PCDH11Y: variants seen among roughly 807,000 people sequenced by gnomAD.
PCDH11Y encodes protocadherin-11 Y-linked.
For synonymous variants in PCDH11Y, 9 were observed against 83.6 expected (o/e 0.11, Z 4.87); for missense variants, 12 against 224.8 (o/e 0.05, Z 6.05).
At chrY:5,247,633 A>G (rs2052997796) in intron 2 of PCDH11Y, among the ~76,000 whole-genome samples, 1 of 32,683 alleles carries the variant, frequency 3.1e-5, no homozygotes, top group Non-Finnish European at 7.4e-5. Context: ...AGTTAGAAAG[A>G]TCTCAAATCA....
intron 2 of PCDH11Y, among the ~76,000 whole-genome samples, chrY:5,229,164 A>G: frequency 3.2e-5 from 1 of 31,702 alleles, no homozygotes; most frequent in Non-Finnish European, 7.6e-5. Flanking sequence ...CATTATCATT[A>G]TATAGTGAAC....
intron 2 of PCDH11Y, among the ~76,000 whole-genome samples, chrY:5,198,335 A>G: frequency 6.7e-5 from 2 of 29,713 alleles, no homozygotes; most frequent in African/African-American, 2.7e-4. Context: ...TTTAGTAGAG[A>G]TGATGTTTCA....
At chrY:5,664,439 C>T (rs2053543206) in intron 4 of PCDH11Y, among the ~76,000 whole-genome samples, 1 of 32,000 alleles carries the variant, frequency 3.1e-5, no homozygotes, top group Non-Finnish European at 7.6e-5. Context: ...TACTTTTGTG[C>T]ATATTGTTCC....
At chrY:5,326,976 C>A in intron 2 of PCDH11Y, among the ~76,000 whole-genome samples, 1 of 33,045 alleles carries the variant, frequency 3.0e-5, no homozygotes, top group Non-Finnish European at 7.4e-5. Flanking sequence ...ATTCTGACTG[C>A]ACTAACCATG....
intron 2 of PCDH11Y, among the ~76,000 whole-genome samples, chrY:5,310,240 T>C: frequency 6.2e-5 from 2 of 32,173 alleles, no homozygotes; most frequent in African/African-American, 1.2e-4. Context: ...TGTTAAGTTA[T>C]GGTTAGAACA....
chrY:5,232,395 C>CAGACGATAAA (rs2052968908), intron 2 of PCDH11Y, among the ~76,000 whole-genome samples: 1 of 32,162 alleles, frequency 3.1e-5, no homozygotes, highest in Non-Finnish European at 7.6e-5. Context: ...CTTCAGTTAG[C>CAGACGATAAA]AGACGATAAA....
Position 5,642,971 on chromosome Y carries a change from A to C in PCDH11Y, c.3352+61173A>C, listed in dbSNP as rs1412758059. Among the ~76,000 whole-genome samples, 22 of 33,155 alleles carry C rather than the reference A, an allele frequency of 6.6e-4. No individual in the cohort carries two copies. In the East Asian group the frequency reaches 0.017, roughly 25 times the overall value. The allele number at this position is 33,155 out of a possible 37,273, so 89.0% of individuals were successfully genotyped here. A position where few individuals can be genotyped will look rare whatever the true frequency, so the allele number is the denominator to read the frequency against. The stretch of plus-strand genomic sequence containing the variant: ...TCAGTATGCCTTTCTGGTAGTTCGC[A>C]TTGTCATGAAATTCTTTCTTTTATT... On this transcript the variant is annotated intron_variant, in intron 4 of 4. Coordinates refer to the PCDH11Y transcript ENST00000400457.
At chrY:5,725,197 G>T in intron 4 of PCDH11Y, among the ~76,000 whole-genome samples, 2 of 27,550 alleles carry the variant, frequency 7.3e-5, no homozygotes, top group African/African-American at 1.4e-4. Flanking sequence ...AACCCAGGAG[G>T]CAGAGGTTGC....
chrY:5,538,196 A>G, intron 3 of PCDH11Y, among the ~76,000 whole-genome samples: 2 of 33,597 alleles, frequency 6.0e-5, no homozygotes, highest in African/African-American at 2.3e-4. Flanking sequence ...CAGCATAAAA[A>G]AAGAGTCTGA....
chrY:5,454,609 T>C, intron 2 of PCDH11Y, among the ~76,000 whole-genome samples: 1 of 33,436 alleles, frequency 3.0e-5, no homozygotes, highest in Non-Finnish European at 7.4e-5. Context: ...AGGCAGAGGA[T>C]CCCAAGCCTC....
intron 4 of PCDH11Y, among the ~76,000 whole-genome samples, chrY:5,630,386 G>C: frequency 3.0e-5 from 1 of 33,459 alleles, no homozygotes. Context: ...TGCGGCAGCT[G>C]TGTAATTTTA....
intron 4 of PCDH11Y, among the ~76,000 whole-genome samples, chrY:5,698,281 T>A (rs1602961378): frequency 3.0e-5 from 1 of 33,462 alleles, no homozygotes; most frequent in Non-Finnish European, 7.4e-5. Flanking sequence ...GGGGAACTGA[T>A]GATTATGTGT....
chrY:5,650,635 G>A (rs2053530644), intron 4 of PCDH11Y, among the ~76,000 whole-genome samples: 1 of 32,930 alleles, frequency 3.0e-5, no homozygotes, highest in South Asian at 6.6e-4. Context: ...TGTGAAGACC[G>A]TCAGTGAATT....
At chrY:5,476,468 T>A (rs797015711) in intron 2 of PCDH11Y, among the ~76,000 whole-genome samples, 1 of 18,052 alleles carries the variant, frequency 5.5e-5, no homozygotes, top group Non-Finnish European at 1.5e-4. Flanking sequence ...AAAAAAAAAA[T>A]TTCTTTCTTT....
intron 4 of PCDH11Y, among the ~76,000 whole-genome samples, chrY:5,686,793 G>A: frequency 3.0e-5 from 1 of 33,467 alleles, no homozygotes; most frequent in African/African-American, 1.2e-4. Flanking sequence ...ATTTGAATAC[G>A]CTACATTTTC....
At chrY:5,517,908 T>C in intron 3 of PCDH11Y, among the ~76,000 whole-genome samples, 2 of 33,470 alleles carry the variant, frequency 6.0e-5, no homozygotes, top group African/African-American at 1.2e-4. Flanking sequence ...TTGTTATTTA[T>C]CTTAAAGTTT....
chrY:5,064,666 T>G (rs1602854810), intron 1 of PCDH11Y, among the ~76,000 whole-genome samples: 2 of 18,877 alleles, frequency 1.1e-4, no homozygotes, highest in Non-Finnish European at 2.2e-4. Context: ...ACATACATAC[T>G]TGTGTGTGTG....
intron 3 of PCDH11Y, among the ~76,000 whole-genome samples, chrY:5,039,809 A>AT (rs2052604175): frequency 1.3e-4 from 4 of 31,720 alleles, no homozygotes; most frequent in Non-Finnish European, 2.3e-4. Context: ...TGCATGAAGA[A>AT]TTTTTTTTTT....
intron 2 of PCDH11Y, among the ~76,000 whole-genome samples, chrY:5,273,358 C>T (rs1602897865): frequency 1.2e-4 from 4 of 33,363 alleles, no homozygotes; most frequent in African/African-American, 4.7e-4. Context: ...GACCATGGCC[C>T]GTGACACAGC....
Sources: allele counts gnomAD v4.1 joint callset (sites outside exome capture counted in the v4.1 genomes callset), GRCh38; gene constraint gnomAD v4.1.1; transcripts MANE v1.5; gene names NCBI Gene and HGNC (gene_info 2026-07-23, HGNC 2026-07-21).